TLL1: variants seen among roughly 807,000 people sequenced by gnomAD.
The protein encoded by TLL1 is tolloid like 1.
In TLL1, 49 loss-of-function variants were observed where a neutral mutation model predicts 128.2. The ratio of observed to expected loss-of-function variants is 0.38; its 90% CI spans 0.30 to 0.48. The LOEUF is 0.48. Ranked by LOEUF, TLL1 falls within the 20% of genes least tolerant of loss-of-function variation. TLL1 has a pLI of 0.96. For missense variants in TLL1, 1,123 were observed against 1,242.0 expected (o/e 0.90, Z 1.44); for synonymous variants, 454 against 418.8 (o/e 1.08, Z -1.03).
At chr4:166,035,791 A>G (rs1738971332) in intron 9 of TLL1, among the ~76,000 whole-genome samples, 1 of 152,154 alleles carries the variant, frequency 6.6e-6, no homozygotes. Context: ...CTAACATTGT[A>G]GCATTGAAAC....
chr4:166,044,570 ATT>A lies in TLL1; in HGVS notation c.1524+1160_1524+1161del, dbSNP rs140761984. ...TATGTTGTATTTTATGCTCCAGACC[ATT>A]TTTTTTTTGTACTTTTGGAAACTGG... is the stretch of plus-strand genomic sequence containing the variant. On this transcript the variant is annotated intron_variant, in intron 12 of 20. Transcript: ENST00000061240. 5.7e-3 allele frequency: 3,603 copies of A among 635,926 alleles called. 78 individuals are homozygous for A. The highest frequency in any genetic ancestry group is 0.052 in the African/African-American group (2,749 of 53,304). 39.4% of individuals were successfully genotyped at this position (635,926 alleles called of 1,614,324 possible). A position where few individuals can be genotyped will look rare whatever the true frequency, so the allele number is the denominator to read the frequency against.
At chr4:166,051,299 TTTCC>T (rs143837084) in intron 12 of TLL1, among the ~76,000 whole-genome samples, 24,451 of 126,328 alleles carry the variant, frequency 0.19, 3,322 homozygotes, top group African/African-American at 0.4. Flanking sequence ...CCCTCCCTCC[TTTCC>T]TTCCTTCCTT....
chr4:166,024,455 A>G (rs775536076), intron 8 of TLL1, among the ~76,000 whole-genome samples: 13 of 152,172 alleles, frequency 8.5e-5, no homozygotes, highest in Non-Finnish European at 1.9e-4. Flanking sequence ...AAGGTTAGAA[A>G]GAGGACTGGC....
At chr4:166,087,238 A>G (rs940148572) in intron 18 of TLL1, among the ~76,000 whole-genome samples, 1 of 152,156 alleles carries the variant, frequency 6.6e-6, no homozygotes, top group African/African-American at 2.4e-5. Flanking sequence ...TGAGTTTTGG[A>G]GTTCTGCTAT....
chr4:166,033,759 T>C, intron 9 of TLL1, among the ~76,000 whole-genome samples: 1 of 152,184 alleles, frequency 6.6e-6, no homozygotes, highest in Non-Finnish European at 1.5e-5. Flanking sequence ...TTATCCTTGA[T>C]GTTGCATGGT....
At chr4:166,059,972 T>C in intron 14 of TLL1, 56 bp from the exon 15 acceptor site, 1 of 1,602,490 alleles carries the variant, frequency 6.2e-7, no homozygotes, top group Non-Finnish European at 8.5e-7. Flanking sequence ...GGACAGGTGC[T>C]AAGAAGTGGG....
At chr4:165,899,782 AT>A (rs1287935245) in intron 1 of TLL1, among the ~76,000 whole-genome samples, 2 of 152,020 alleles carry the variant, frequency 1.3e-5, no homozygotes, top group African/African-American at 4.8e-5. Context: ...ATCCTTGATA[AT>A]TTTCTGTCTC....
rs527269110 is a variant in TLL1 at position 166,065,731 on chromosome 4, T to G, written c.2056T>G (p.Ser686Ala). 6.2e-7 allele frequency: 1 copy of G among 1,609,854 alleles called. No homozygotes were observed. Among genetic ancestry groups the G allele is most frequent in the East Asian group, 2.2e-5 (1 of 44,538 alleles). ...GATCTGGAGTGGTCTTTCCTCTGAG[T>G]CTAAACTGCATGGCAAATTCTGTGG... ...VEIWSGLSSE[S>A]KLHGKFCGAE... The change falls in exon 16 of 21, where the codon TCT becomes GCT. Residue 686 changes from serine to alanine, a missense_variant. This residue lies in a region of TLL1 where 634 missense variants were observed against 672.4 expected (regional missense o/e 0.94). Coordinates refer to ENST00000061240, the MANE Select transcript of TLL1 (RefSeq NM_012464.5).
chr4:166,095,086 G>T (rs1282972634), intron 19 of TLL1, among the ~76,000 whole-genome samples: 1 of 152,048 alleles, frequency 6.6e-6, no homozygotes, highest in Admixed American at 6.6e-5. Context: ...CTAGAATATG[G>T]ACGGCTATTT....
rs570959036 is a variant in TLL1, at chr4:165,911,913, T to C, written c.169+37840T>C. Among the ~76,000 whole-genome samples, 134 of 152,262 alleles carry C rather than the reference T, an allele frequency of 8.8e-4. No homozygotes were observed. The Middle Eastern group carries it at 0.014, about 15-fold the overall frequency. On this transcript the variant is annotated intron_variant, in intron 1 of 20. Coordinates refer to ENST00000061240, the MANE Select transcript of TLL1 (RefSeq NM_012464.5). ...TTTTTTGAGACAGAGTCTCGCTCTGTCGCCTAGGCTGGAGTGCAGTGGCAT... is the reference window on the plus strand; with the variant it reads ...TTTTTTGAGACAGAGTCTCGCTCTGCCGCCTAGGCTGGAGTGCAGTGGCAT...
Position 166,008,051 on chromosome 4 carries a change from T to C in TLL1, c.917+3T>C, listed in dbSNP as rs1560807344. ...TATGCCAGGAACACCTTCTCAAGGTTGGAGTCTCAGGTTATACCTTTTGAC... is the reference window on the plus strand; with the variant it reads ...TATGCCAGGAACACCTTCTCAAGGTCGGAGTCTCAGGTTATACCTTTTGAC... On this transcript the variant is annotated splice_donor_region_variant and intron_variant, in intron 7 of 20. Transcript: ENST00000061240. 2.5e-6 allele frequency: 4 copies of C among 1,606,204 alleles called. No homozygotes were observed. Among genetic ancestry groups the C allele is most frequent in the Non-Finnish European group, 3.4e-6 (4 of 1,173,770 alleles).
Position 166,017,450 on chromosome 4 carries a change from G to A in TLL1, c.1042+2890G>A, listed in dbSNP as rs147226203. Reference sequence around the variant, plus strand: ...ACGATTTATTTTCCTTCGGATATATGCTTAGTAATGAGATGGCAGGGTTGA... The same window carrying A: ...ACGATTTATTTTCCTTCGGATATATACTTAGTAATGAGATGGCAGGGTTGA... On this transcript the variant is annotated intron_variant, in intron 8 of 20. Coordinates refer to ENST00000061240, the MANE Select transcript of TLL1 (RefSeq NM_012464.5). 4.5e-3 allele frequency among the ~76,000 whole-genome samples: 691 copies of A among 152,112 alleles called. 5 individuals are homozygous for A. Among genetic ancestry groups the A allele is most frequent in the African/African-American group, 0.015 (636 of 41,506 alleles).
chr4:166,096,158 A>G (rs1742008323), intron 19 of TLL1, among the ~76,000 whole-genome samples: 1 of 150,140 alleles, frequency 6.7e-6, no homozygotes, highest in African/African-American at 2.5e-5. Context: ...ATAGCATTCA[A>G]ATGTTCATTT....
chr4:166,059,902 G>A (rs1740222290), intron 14 of TLL1, 126 bp from the exon 15 acceptor site: 1 of 1,174,688 alleles, frequency 8.5e-7, no homozygotes, highest in East Asian at 2.4e-5. Context: ...GCCATTTCTG[G>A]ATTTTAAAAT....
Position 166,042,219 on chromosome 4 carries a change from A to G in TLL1, c.1378+76A>G. 3 of 955,568 alleles carry G rather than the reference A, an allele frequency of 3.1e-6. No homozygotes were observed. The East Asian group carries it at 7.7e-5, about 25-fold the overall frequency. 59.2% of individuals were successfully genotyped at this position (955,568 alleles called of 1,614,324 possible). On this transcript the variant is annotated intron_variant, in intron 11 of 20. Transcript: ENST00000061240. The stretch of plus-strand genomic sequence containing the variant: ...ATGTTCGTTTCTTAATTTCATTACA[A>G]TGACATTGTGACCATATTGTAAAAT...
At chr4:166,044,310 A>G (rs1739363820) in intron 12 of TLL1, 1 of 1,472,044 alleles carries the variant, frequency 6.8e-7, no homozygotes, top group Admixed American at 2.0e-5. Context: ...AGCACTATGA[A>G]CACTACTTAC....
chr4:165,974,944 A>G (rs1375859770), intron 1 of TLL1, among the ~76,000 whole-genome samples: 1 of 152,118 alleles, frequency 6.6e-6, no homozygotes, highest in African/African-American at 2.4e-5. Flanking sequence ...CAGGATCACC[A>G]CTTGTGAAAA....
intron 1 of TLL1, 49 bp from the exon 2 acceptor site, chr4:165,989,332 T>C (rs768214857): frequency 3.0e-6 from 4 of 1,351,696 alleles, no homozygotes; most frequent in Non-Finnish European, 4.2e-6. Context: ...TTGTGTGTAT[T>C]GATTTCACGG....
intron 16 of TLL1, among the ~76,000 whole-genome samples, chr4:166,074,235 T>G (rs1740917175): frequency 6.6e-6 from 1 of 151,964 alleles, no homozygotes; most frequent in African/African-American, 2.4e-5. Context: ...AGAGTAGATT[T>G]GTTTAAAATA....
Sources: gnomAD v4.1 joint callset for allele counts (sites outside exome capture counted in the v4.1 genomes callset) on GRCh38, gnomAD v4.1.1 for gene constraint, gnomAD v4.1.1 regional missense constraint, MANE v1.5 for transcripts, NCBI Gene and HGNC (gene_info 2026-07-23, HGNC 2026-07-21) for gene names.